The following ADIPOR2 variants were observed in gnomAD, a reference collection of about 807,000 sequenced individuals.
ADIPOR2 encodes the protein adiponectin receptor protein 2.
ADIPOR2 carries 18 observed loss-of-function variants against 40.9 expected under a neutral mutation model. The ratio of observed to expected loss-of-function variants is 0.44; its 90% CI spans 0.30 to 0.65. ADIPOR2 has a LOEUF of 0.65. Among genes scored for constraint, ADIPOR2 ranks in the 30% least tolerant of loss-of-function variants. ADIPOR2 has a pLI of 0.09. For synonymous variants in ADIPOR2, 165 were observed against 166.4 expected, an observed-to-expected ratio of 0.99 and a Z score of 0.06; for missense variants, 283 against 479.2, an observed-to-expected ratio of 0.59 and a Z score of 3.82.
rs982379798 is a variant in ADIPOR2 at position 1,784,640 on chromosome 12, A to G, written c.1032+567A>G. Among the ~76,000 whole-genome samples the G allele has an allele frequency of 2.6e-5, 4 of 152,292 alleles. No individual in the cohort carries two copies. In the South Asian group the frequency reaches 8.3e-4, roughly 32 times the overall value. On this transcript the variant is annotated intron_variant, in intron 7 of 7. Coordinates refer to ENST00000357103, the MANE Select transcript of ADIPOR2 (RefSeq NM_024551.3). ...TTGTAATGGGAGACTGAGTGTATGT[A>G]TGTCTGGTGGAAGAAGAGGGATTGT...
chr12:1,777,138 G>C (rs569683167), intron 3 of ADIPOR2, among the ~76,000 whole-genome samples: 30 of 152,020 alleles, frequency 2.0e-4, no homozygotes, highest in Non-Finnish European at 2.8e-4. Context: ...ATGTAATTCT[G>C]TTTTTACCAA....
At chr12:1,747,252 C>T (rs10744550) in intron 1 of ADIPOR2, among the ~76,000 whole-genome samples, 122,343 of 152,048 alleles carry the variant, frequency 0.8, 50,139 homozygotes, top group East Asian at 0.9. Flanking sequence ...ATTGAAATTA[C>T]ACAAAGTGCC....
At chr12:1,717,837 G>A (rs1034074656) in intron 1 of ADIPOR2, among the ~76,000 whole-genome samples, 2 of 152,016 alleles carry the variant, frequency 1.3e-5, no homozygotes, top group Non-Finnish European at 2.9e-5. Context: ...AATGTATTTT[G>A]TTCATTGTTT....
chr12:1,767,320 T>TA (rs1565654602), intron 2 of ADIPOR2, among the ~76,000 whole-genome samples: 1 of 150,552 alleles, frequency 6.6e-6, no homozygotes, highest in East Asian at 1.9e-4. Flanking sequence ...TGAGAATTTT[T>TA]AAAAAACTGA....
In ADIPOR2 at chr12:1,784,122, T is replaced by C. The variant is rs200314695; in HGVS notation, c.1032+49T>C. 39 of 1,462,110 alleles carry C rather than the reference T, an allele frequency of 2.7e-5. No individual in the cohort carries two copies. In the African/African-American group the frequency reaches 5.3e-4, roughly 20 times the overall value. 90.6% of individuals were successfully genotyped at this position (1,462,110 alleles called of 1,614,324 possible). On this transcript the variant is annotated intron_variant, in intron 7 of 7. Coordinates refer to ENST00000357103, the MANE Select transcript of ADIPOR2 (RefSeq NM_024551.3). ...TGTGTAGGTATCTGCTCATGAGTTATTGGCATCCTGCAGAGTGATGCAATA... is the reference window on the plus strand; with the variant it reads ...TGTGTAGGTATCTGCTCATGAGTTACTGGCATCCTGCAGAGTGATGCAATA...
intron 1 of ADIPOR2, among the ~76,000 whole-genome samples, chr12:1,752,526 T>A (rs1297115562): frequency 1.3e-5 from 2 of 152,176 alleles, no homozygotes; most frequent in Non-Finnish European, 2.9e-5. Flanking sequence ...CATTTTCTTA[T>A]CTTTTACTCA....
intron 3 of ADIPOR2, among the ~76,000 whole-genome samples, chr12:1,774,497 C>T (rs897101415): frequency 6.6e-6 from 1 of 152,204 alleles, no homozygotes. Flanking sequence ...GAAAACCAGC[C>T]GTGTCTAGTG....
At chr12:1,775,160 C>T (rs1592629469) in intron 3 of ADIPOR2, among the ~76,000 whole-genome samples, 1 of 152,200 alleles carries the variant, frequency 6.6e-6, no homozygotes, top group African/African-American at 2.4e-5. Flanking sequence ...TGTTTTTGTG[C>T]ATTTTATGGT....
intron 1 of ADIPOR2, among the ~76,000 whole-genome samples, chr12:1,710,549 G>A (rs968382041): frequency 3.3e-5 from 5 of 151,998 alleles, no homozygotes; most frequent in Admixed American, 6.6e-5. Flanking sequence ...CAACTAGCGC[G>A]GCCACCGGAC....
chr12:1,720,644 C>G (rs753271079), intron 1 of ADIPOR2, among the ~76,000 whole-genome samples: 14 of 152,112 alleles, frequency 9.2e-5, no homozygotes, highest in Middle Eastern at 3.2e-3. Flanking sequence ...GGAGGCGGAG[C>G]TCAGGTGGTA....
intron 2 of ADIPOR2, among the ~76,000 whole-genome samples, chr12:1,764,202 A>G (rs1862326821): frequency 6.6e-6 from 1 of 152,124 alleles, no homozygotes; most frequent in African/African-American, 2.4e-5. Flanking sequence ...CTTATCCTCA[A>G]AATTTCTGTG....
intron 3 of ADIPOR2, among the ~76,000 whole-genome samples, chr12:1,777,163 A>T (rs1252891915): frequency 6.6e-6 from 1 of 152,176 alleles, no homozygotes; most frequent in Admixed American, 6.5e-5. Context: ...AATATTAAAT[A>T]TAAAAATGTT....
At chr12:1,692,608 A>G (rs772645422) in intron 1 of ADIPOR2, among the ~76,000 whole-genome samples, 8 of 151,938 alleles carry the variant, frequency 5.3e-5, no homozygotes, top group Non-Finnish European at 8.8e-5. Flanking sequence ...GACACTAGGA[A>G]TGGGAGTAGG....
intron 2 of ADIPOR2, among the ~76,000 whole-genome samples, chr12:1,758,581 C>T (rs781615201): frequency 1.3e-4 from 20 of 152,054 alleles, no homozygotes; most frequent in Non-Finnish European, 2.8e-4. Context: ...GCCAATTTCA[C>T]GGTTAATGTA....
intron 1 of ADIPOR2, among the ~76,000 whole-genome samples, chr12:1,724,357 A>G (rs1175559152): frequency 6.6e-6 from 1 of 152,210 alleles, no homozygotes; most frequent in East Asian, 1.9e-4. Context: ...CTTGAGAACA[A>G]TACACTAAGT....
chr12:1,719,789 G>A (rs986539923), intron 1 of ADIPOR2, among the ~76,000 whole-genome samples: 23 of 151,620 alleles, frequency 1.5e-4, no homozygotes, highest in Non-Finnish European at 3.1e-4. Context: ...GTTCTCCTGC[G>A]ACAGCCTGTG....
intron 2 of ADIPOR2, among the ~76,000 whole-genome samples, chr12:1,756,452 CTTT>C (rs71055194): frequency 2.3e-5 from 3 of 132,390 alleles, no homozygotes; most frequent in Non-Finnish European, 1.6e-5. Flanking sequence ...GCCTGGCCTT[CTTT>C]TTTTTTTTTT....
rs541591606 is a variant in ADIPOR2, at chr12:1,741,155, C to T, written c.-86-13103C>T. Reference sequence around the variant, plus strand: ...GGGAATTATGGTAAAGATTTGGCTTCCTTTTGCACAAGGAATAAAATCTGG... The same window carrying T: ...GGGAATTATGGTAAAGATTTGGCTTTCTTTTGCACAAGGAATAAAATCTGG... On this transcript the variant is annotated intron_variant, in intron 1 of 7. Coordinates refer to ENST00000357103, the MANE Select transcript of ADIPOR2 (RefSeq NM_024551.3). Among the ~76,000 whole-genome samples, 8 of 152,176 alleles carry T rather than the reference C, an allele frequency of 5.3e-5. No homozygotes were observed. The East Asian group carries it at 1.5e-3, about 29-fold the overall frequency.
Position 1,754,389 on chromosome 12 carries a change from G to C in ADIPOR2, c.46G>C (p.Glu16Gln). Residue 16 changes from glutamate to glutamine, a missense_variant, in exon 2 of 8, where the codon GAG becomes CAG. Glu to Gln is a conservative substitution (Grantham distance 29). Transcript: ENST00000357103. The part of the protein sequence containing the change: ...ENRLGCSRTP[E>Q]PDIRLRKGHQ... ...CCGATTGGGGTGCAGCAGGACTCCA[G>C]AGCCAGATATAAGGCTCAGAAAAGG... is the stretch of plus-strand genomic sequence containing the variant. The C allele has an allele frequency of 6.2e-7, 1 of 1,613,030 alleles. No homozygotes were observed.
Sources: allele counts gnomAD v4.1 joint callset (sites outside exome capture counted in the v4.1 genomes callset), GRCh38; gene constraint gnomAD v4.1.1; transcripts MANE v1.5; gene names NCBI Gene and HGNC (gene_info 2026-07-23, HGNC 2026-07-21).